ATXN8OS: variants seen among roughly 807,000 people sequenced by gnomAD.
ATXN8OS encodes ATXN8 opposite strand lncRNA.
At chr13:70,163,626 G>A (rs1232807107) in intron 4 of ATXN8OS, among the ~76,000 whole-genome samples, 6 of 151,884 alleles carry the variant, frequency 4.0e-5, no homozygotes, top group Non-Finnish European at 8.8e-5. Flanking sequence ...ATAAATCAAA[G>A]CAAATGGAGT....
intron 3 of ATXN8OS, chr13:70,139,252 TG>T: frequency 2.2e-6 from 1 of 457,044 alleles, no homozygotes; most frequent in East Asian, 3.2e-5. Context: ...TTGCCTTTTC[TG>T]ACTCCCAGCT....
intron 1 of ATXN8OS, among the ~76,000 whole-genome samples, chr13:70,109,890 A>G (rs1375181542): frequency 2.0e-5 from 3 of 152,228 alleles, no homozygotes; most frequent in Non-Finnish European, 4.4e-5. Context: ...ATTAATTTAT[A>G]TAGAAATTAG....
chr13:70,132,691 A>T (rs779740376), intron 3 of ATXN8OS, among the ~76,000 whole-genome samples: 6 of 152,194 alleles, frequency 3.9e-5, no homozygotes, highest in Admixed American at 2.0e-4. Context: ...CTATGAAGAT[A>T]ACATGAACCC....
intron 3 of ATXN8OS, among the ~76,000 whole-genome samples, chr13:70,133,032 T>C (rs1888556936): frequency 6.6e-6 from 1 of 152,178 alleles, no homozygotes; most frequent in Non-Finnish European, 1.5e-5. Flanking sequence ...AAACTATCAT[T>C]GCATTGATCA....
At chr13:70,160,495 G>A (rs74416520) in intron 4 of ATXN8OS, among the ~76,000 whole-genome samples, 1,764 of 151,404 alleles carry the variant, frequency 0.012, 28 homozygotes, top group African/African-American at 0.039. Context: ...TTCTTTCAAC[G>A]GTAATTAATT....
intron 1 of ATXN8OS, among the ~76,000 whole-genome samples, chr13:70,110,591 G>A (rs1038839114): frequency 6.6e-6 from 1 of 151,938 alleles, no homozygotes; most frequent in Admixed American, 6.6e-5. Flanking sequence ...GACTGCGAGA[G>A]AGGGAAAGAC....
At chr13:70,167,766 C>T (rs1380170641) in intron 4 of ATXN8OS, among the ~76,000 whole-genome samples, 4 of 109,582 alleles carry the variant, frequency 3.7e-5, no homozygotes, top group Non-Finnish European at 6.7e-5. Flanking sequence ...GACAGAGTCT[C>T]GCTCTGTTGC....
intron 4 of ATXN8OS, among the ~76,000 whole-genome samples, chr13:70,150,784 C>T (rs1441035960): frequency 6.6e-6 from 1 of 152,106 alleles, no homozygotes; most frequent in African/African-American, 2.4e-5. Context: ...TATAACACTA[C>T]ATTGCACACT....
At chr13:70,171,276 T>C (rs1164994378) in exon 5 of ATXN8OS, among the ~76,000 whole-genome samples, 2 of 152,130 alleles carry the variant, frequency 1.3e-5, no homozygotes, top group South Asian at 4.1e-4. Flanking sequence ...TTACAGTCTA[T>C]TTACACATCC....
At chr13:70,153,431 C>A (rs1030113751) in intron 4 of ATXN8OS, among the ~76,000 whole-genome samples, 1 of 151,846 alleles carries the variant, frequency 6.6e-6, no homozygotes, top group East Asian at 2.0e-4. Flanking sequence ...AAAACTTAGC[C>A]GGGCATGGCA....
exon 5 of ATXN8OS, among the ~76,000 whole-genome samples, chr13:70,169,992 T>C (rs1269558555): frequency 2.0e-5 from 3 of 152,122 alleles, no homozygotes; most frequent in African/African-American, 7.2e-5. Flanking sequence ...CTCTGAGGTG[T>C]ACTTGGGATT....
At chr13:70,165,860 AAAC>A (rs1889070228) in intron 4 of ATXN8OS, among the ~76,000 whole-genome samples, 1 of 152,178 alleles carries the variant, frequency 6.6e-6, no homozygotes, top group African/African-American at 2.4e-5. Flanking sequence ...TAAAATATTT[AAAC>A]AACAAAATAA....
rs760283512 is a variant in ATXN8OS at position 70,154,729 on chromosome 13, GT to G, written n.573+7305del. On this transcript the variant is annotated intron_variant and non_coding_transcript_variant, in intron 4 of 4. Transcript: ENST00000678624. ...AGAGAAGAAAAACAAATTTTACTTTGTTTTATGAAATGAGTTTATAGATTCC... is the reference window on the plus strand; with the variant it reads ...AGAGAAGAAAAACAAATTTTACTTTGTTTATGAAATGAGTTTATAGATTCC... 3.3e-5 allele frequency among the ~76,000 whole-genome samples: 5 copies of G among 152,132 alleles called. 1 individual carries two copies. The South Asian group carries it at 8.3e-4, about 25-fold the overall frequency.
intron 4 of ATXN8OS, among the ~76,000 whole-genome samples, chr13:70,169,349 T>G (rs1345466157): frequency 6.6e-6 from 1 of 152,040 alleles, no homozygotes; most frequent in African/African-American, 2.4e-5. Context: ...CAGGCTGGAG[T>G]GCAATGGCAC....
At chr13:70,163,821 C>T (rs1278467416) in intron 4 of ATXN8OS, among the ~76,000 whole-genome samples, 1 of 150,032 alleles carries the variant, frequency 6.7e-6, no homozygotes, top group Non-Finnish European at 1.5e-5. Context: ...TAACTTTTGA[C>T]TTTTTATCTC....
intron 2 of ATXN8OS, among the ~76,000 whole-genome samples, chr13:70,124,936 T>G (rs1459719572): frequency 3.7e-4 from 5 of 13,586 alleles, no homozygotes; most frequent in Admixed American, 1.8e-3. Flanking sequence ...ATTTGAGGGT[T>G]TTTTTTTTTT....
chr13:70,144,732 T>C (rs888054665), intron 3 of ATXN8OS, among the ~76,000 whole-genome samples: 3 of 152,148 alleles, frequency 2.0e-5, no homozygotes, highest in African/African-American at 7.2e-5. Flanking sequence ...ATTTCATGGG[T>C]TGTGCCTTTG....
chr13:70,128,116 A>AAAAAT (rs1888471063), intron 2 of ATXN8OS, among the ~76,000 whole-genome samples: 1 of 152,132 alleles, frequency 6.6e-6, no homozygotes. Context: ...ACATTAATTG[A>AAAAAT]AAAATAACCT....
intron 2 of ATXN8OS, among the ~76,000 whole-genome samples, chr13:70,129,460 C>T (rs575960867): frequency 6.6e-6 from 1 of 151,890 alleles, no homozygotes; most frequent in Admixed American, 6.6e-5. Flanking sequence ...TCCTTGGATA[C>T]ACTCAGGCTT....
Sources: gnomAD v4.1 joint callset for allele counts (sites outside exome capture counted in the v4.1 genomes callset) on GRCh38, gnomAD v4.1.1 for gene constraint, MANE v1.5 for transcripts, NCBI Gene and HGNC (gene_info 2026-07-23, HGNC 2026-07-21) for gene names.